The following PPP4R3B variants were observed in gnomAD, a reference collection of about 807,000 sequenced individuals.
PPP4R3B encodes protein phosphatase 4 regulatory subunit 3B.
In PPP4R3B, 52 loss-of-function variants were observed where a neutral mutation model predicts 95.4. That is an observed-to-expected ratio of 0.54 (90% CI 0.44 to 0.69). The LOEUF (loss-of-function observed/expected upper bound fraction) is 0.69, where lower values mean the gene tolerates loss of function less well. Ranked by LOEUF, PPP4R3B falls within the 30% of genes least tolerant of loss-of-function variation. The pLI is 0.00. For synonymous variants in PPP4R3B, 407 were observed against 343.9 expected (o/e 1.18, Z -2.03); for missense variants, 1,003 against 1,005.9 (o/e 1.00, Z 0.04).
chr2:55,582,678 T>G (rs548602816), intron 7 of PPP4R3B, among the ~76,000 whole-genome samples: 48 of 152,294 alleles, frequency 3.2e-4, no homozygotes, highest in Non-Finnish European at 6.2e-4. Context: ...AAGAAAACAT[T>G]AGCATCTGCA....
chr2:55,553,604 C>G (rs1481282413), intron 16 of PPP4R3B, among the ~76,000 whole-genome samples: 1 of 152,056 alleles, frequency 6.6e-6, no homozygotes, highest in Non-Finnish European at 1.5e-5. Flanking sequence ...TCCTCATTCC[C>G]CCACCACCCC....
chr2:55,603,394 C>A (rs765446825), intron 3 of PPP4R3B, among the ~76,000 whole-genome samples: 2 of 152,158 alleles, frequency 1.3e-5, no homozygotes, highest in Admixed American at 6.5e-5. Context: ...TATGTTCTAG[C>A]AGATATGTAA....
At chr2:55,568,617 C>T (rs1013479849) in intron 12 of PPP4R3B, among the ~76,000 whole-genome samples, 1 of 152,188 alleles carries the variant, frequency 6.6e-6, no homozygotes, top group Non-Finnish European at 1.5e-5. Context: ...ACAACAACAA[C>T]AACAAAAACA....
Position 55,598,920 on chromosome 2 carries a change from G to A in PPP4R3B, c.417C>T (p.Leu139=), listed in dbSNP as rs878986571. The A allele has an allele frequency of 6.2e-7, 1 of 1,614,164 alleles. No individual in the cohort carries two copies. The highest frequency in any genetic ancestry group is 8.5e-7 in the Non-Finnish European group (1 of 1,180,034). ...SHLIDLPTCE[L]NKLEEIADLV... The stretch of plus-strand genomic sequence containing the variant: ...AGTCAGCAATCTCTTCAAGTTTATT[G>A]AGTTCACATGTGGGCAGGTCAATCA... The change falls in exon 4 of 17, where the codon CTC becomes CTT. Residue 139 remains leucine, a synonymous_variant. Coordinates refer to ENST00000616407, the MANE Select transcript of PPP4R3B (RefSeq NM_001122964.3).
In PPP4R3B at chr2:55,585,120, A is replaced by G. The variant is rs531216448; in HGVS notation, c.1164T>C (p.Ser388=). 1.7e-5 allele frequency: 27 copies of G among 1,611,638 alleles called. No homozygotes were observed. The Admixed American group carries it at 4.5e-4, about 27-fold the overall frequency. ...QVRSAATDIF[S]YLVEFSPSMV... Reference sequence around the variant, plus strand: ...TAGATGGACTAAATTCTACTAGATAAGAAAATATATCTGTAGCAGCTGATC... The same window carrying G: ...TAGATGGACTAAATTCTACTAGATAGGAAAATATATCTGTAGCAGCTGATC... The change falls in exon 7 of 17, where the codon TCT becomes TCC. Residue 388 remains serine (S), a synonymous_variant. Transcript: ENST00000616407.
rs143559937 is a variant in PPP4R3B, at chr2:55,607,297, G to A, written c.199-3221C>T. Among the ~76,000 whole-genome samples the A allele has an allele frequency of 2.7e-3, 409 of 152,274 alleles. 5 individuals carry two copies. The highest frequency in any genetic ancestry group is 0.021 in the South Asian group (100 of 4,826). ...TCGACACTGTTTACCCGGAGACACT[G>A]TCAGATACCACAGTTGAGGGCTCAG... On this transcript the variant is annotated intron_variant, in intron 2 of 16. Transcript: ENST00000616407.
chr2:55,555,407 A>G (rs1232193535), intron 16 of PPP4R3B, among the ~76,000 whole-genome samples: 2 of 152,086 alleles, frequency 1.3e-5, no homozygotes, highest in African/African-American at 4.8e-5. Flanking sequence ...CCACTTGAGT[A>G]AAGTTTCCAA....
intron 13 of PPP4R3B, 128 bp downstream of exon 13, chr2:55,568,066 G>T: frequency 1.8e-6 from 1 of 545,774 alleles, no homozygotes; most frequent in Non-Finnish European, 2.8e-6. Flanking sequence ...TAGATTCTAA[G>T]ACACATGGAA....
In PPP4R3B at chr2:55,568,021, A is replaced by C. The variant is rs1314440235; in HGVS notation, c.1935+173T>G. The stretch of plus-strand genomic sequence containing the variant: ...AACCATGTGGCAAATAAGAATTAAA[A>C]AGCTACTGATTTTTAAAATTTCTGT... On this transcript the variant is annotated intron_variant, in intron 13 of 16. Transcript: ENST00000616407. 5 of 380,938 alleles carry C rather than the reference A, an allele frequency of 1.3e-5. No homozygotes were observed. In the East Asian group the frequency reaches 2.1e-4, roughly 16 times the overall value. The allele number at this position is 380,938 out of a possible 1,614,324, so 23.6% of individuals were successfully genotyped here.
At chr2:55,608,015 C>CT (rs887061087) in intron 2 of PPP4R3B, among the ~76,000 whole-genome samples, 5 of 151,932 alleles carry the variant, frequency 3.3e-5, no homozygotes, top group Admixed American at 6.6e-5. Flanking sequence ...TTTTGCTCTT[C>CT]TTTTTTTTGA....
At chr2:55,589,979 ATT>A (rs1458665432) in intron 4 of PPP4R3B, among the ~76,000 whole-genome samples, 1 of 144,808 alleles carries the variant, frequency 6.9e-6, no homozygotes, top group East Asian at 2.0e-4. Flanking sequence ...TTATATATAT[ATT>A]TAATATATTA....
intron 16 of PPP4R3B, among the ~76,000 whole-genome samples, chr2:55,551,630 A>T (rs1685254390): frequency 6.6e-6 from 1 of 151,906 alleles, no homozygotes; most frequent in South Asian, 2.1e-4. Context: ...GCATGCCTGT[A>T]ATCCCAGCTG....
intron 2 of PPP4R3B, among the ~76,000 whole-genome samples, chr2:55,607,522 A>G (rs1295851383): frequency 6.6e-6 from 1 of 152,214 alleles, no homozygotes; most frequent in Admixed American, 6.5e-5. Context: ...TAAAGGATAC[A>G]AATGAAGAGA....
chr2:55,605,364 T>TA (rs1240511461), intron 2 of PPP4R3B, among the ~76,000 whole-genome samples: 1 of 152,138 alleles, frequency 6.6e-6, no homozygotes, highest in African/African-American at 2.4e-5. Context: ...AATACAAAAC[T>TA]AAAAATCATC....
intron 13 of PPP4R3B, among the ~76,000 whole-genome samples, chr2:55,567,841 A>C (rs1160243361): frequency 1.3e-5 from 2 of 152,212 alleles, no homozygotes. Context: ...CATACACCAA[A>C]TGAGATCATG....
chr2:55,571,638 T>C (rs1688010325), intron 12 of PPP4R3B, among the ~76,000 whole-genome samples: 1 of 152,298 alleles, frequency 6.6e-6, no homozygotes, highest in African/African-American at 2.4e-5. Context: ...TGTTTGTTTG[T>C]TTCTTGAGAC....
intron 16 of PPP4R3B, among the ~76,000 whole-genome samples, chr2:55,556,733 A>G (rs1387337237): frequency 6.6e-6 from 1 of 152,178 alleles, no homozygotes; most frequent in Non-Finnish European, 1.5e-5. Flanking sequence ...AATCTTCCCA[A>G]CAAGCTTATA....
At chr2:55,550,368 C>A (rs1685115776) in intron 16 of PPP4R3B, among the ~76,000 whole-genome samples, 1 of 152,166 alleles carries the variant, frequency 6.6e-6, no homozygotes, top group Non-Finnish European at 1.5e-5. Flanking sequence ...TCTCTAATTT[C>A]ATTACCACAA....
chr2:55,577,921 A>T (rs1037202260), intron 10 of PPP4R3B, among the ~76,000 whole-genome samples: 58 of 152,284 alleles, frequency 3.8e-4, no homozygotes, highest in African/African-American at 1.3e-3. Context: ...ACAAGAATGT[A>T]ACTGGAGCAT....
Sources: gnomAD v4.1 joint callset for allele counts (sites outside exome capture counted in the v4.1 genomes callset) on GRCh38, gnomAD v4.1.1 for gene constraint, MANE v1.5 for transcripts, NCBI Gene and HGNC (gene_info 2026-07-23, HGNC 2026-07-21) for gene names.